The following LRIT3 variants were observed in gnomAD, a reference collection of about 807,000 sequenced individuals.
The protein encoded by LRIT3 is leucine-rich repeat, immunoglobulin-like domain and transmembrane domain-containing protein 3.
LRIT3 carries 14 observed loss-of-function variants against 22.6 expected under a neutral mutation model. That is an observed-to-expected ratio of 0.62 (90% CI 0.41 to 0.97). The LOEUF (loss-of-function observed/expected upper bound fraction) is 0.97, where lower values mean the gene tolerates loss of function less well. LRIT3 is among the 50% of genes least tolerant of loss of function. The pLI is 0.00. For missense variants in LRIT3, 783 were observed against 803.0 expected (o/e 0.98, Z 0.30); for synonymous variants, 306 against 304.5 (o/e 1.01, Z -0.05).
chr4:109,860,723 A>G (rs1419062498), intron 2 of LRIT3, among the ~76,000 whole-genome samples: 1 of 152,174 alleles, frequency 6.6e-6, no homozygotes, highest in Non-Finnish European at 1.5e-5. Context: ...ATCTTGCCTC[A>G]CCTATTTGAA....
rs750810010 is a variant in LRIT3 at position 109,870,687 on chromosome 4, C to A, written c.1938C>A (p.Ser646Arg). The A allele has an allele frequency of 6.2e-7, 1 of 1,614,102 alleles. No homozygotes were observed. Among genetic ancestry groups the A allele is most frequent in the Non-Finnish European group, 8.5e-7 (1 of 1,179,992 alleles). The change falls in exon 4 of 4, where the codon AGC (serine) becomes AGA (arginine). Residue 646 changes from serine to arginine, a missense_variant. Coordinates refer to ENST00000594814, the MANE Select transcript of LRIT3 (RefSeq NM_198506.5). ...GTGTAGGTGAGCTCTGGACACGAAG[C>A]CACAGGGATGACTCAGAGAAATTGC... is the stretch of plus-strand genomic sequence containing the variant. ...SQSVGELWTRSHRDDSEKLLL... is the reference protein window; with the variant it reads ...SQSVGELWTRRHRDDSEKLLL...
At position 109,851,657 on chromosome 4, in the gene LRIT3, C is replaced by T. The variant is rs1329118044; in HGVS notation, c.270C>T (p.Tyr90=). The T allele has an allele frequency of 1.3e-6, 2 of 1,551,744 alleles. No individual in the cohort carries two copies. The highest frequency in any genetic ancestry group is 8.7e-7 in the Non-Finnish European group (1 of 1,146,992). ...LVELQYLWVT[Y]NSVASIDPSS... is the part of the protein sequence containing the mutation. ...AGCTCCAGTATCTCTGGGTGACTTA[C>T]AATTCCGTGGCCAGCATTGACCCCA... The change falls in exon 2 of 4, where the codon TAC becomes TAT. Residue 90 remains tyrosine (Y), a synonymous_variant. Transcript: ENST00000594814.
Position 109,867,746 on chromosome 4 carries a change from G to A in LRIT3, c.695G>A (p.Cys232Tyr). The A allele has an allele frequency of 6.2e-7, 1 of 1,614,156 alleles. No homozygotes were observed. Among genetic ancestry groups the A allele is most frequent in the Middle Eastern group, 1.6e-4 (1 of 6,062 alleles). Residue 232 changes from cysteine to tyrosine, a missense_variant, in exon 3 of 4, where the codon TGC becomes TAC. Cys to Tyr is a radical substitution (Grantham distance 194). Coordinates refer to ENST00000594814, the MANE Select transcript of LRIT3 (RefSeq NM_198506.5). ...AIVLLDPLMT[C>Y]SEPERLTGIL... ...GTGCTTCTGGATCCACTGATGACTT[G>A]CAGTGAACCTGAGCGCCTCACAGGA... is the stretch of plus-strand genomic sequence containing the variant.
intron 1 of LRIT3, among the ~76,000 whole-genome samples, chr4:109,849,062 G>T (rs1434117382): frequency 6.7e-6 from 1 of 149,790 alleles, no homozygotes; most frequent in African/African-American, 2.5e-5. Flanking sequence ...AACAAAATCA[G>T]GTTATTTGTG....
At chr4:109,867,088 C>A (rs1734700103) in intron 2 of LRIT3, among the ~76,000 whole-genome samples, 1 of 152,092 alleles carries the variant, frequency 6.6e-6, no homozygotes, top group Admixed American at 6.6e-5. Flanking sequence ...ATAACCTATT[C>A]CAGGTTGAGT....
chr4:109,850,073 C>G (rs1734171979), intron 1 of LRIT3, among the ~76,000 whole-genome samples: 1 of 152,228 alleles, frequency 6.6e-6, no homozygotes. Flanking sequence ...AACACTACCA[C>G]TACATTGCAG....
At chr4:109,869,496 C>A in intron 3 of LRIT3, 149 bp from the exon 4 acceptor site, 1 of 697,516 alleles carries the variant, frequency 1.4e-6, no homozygotes, top group Non-Finnish European at 2.3e-6. Flanking sequence ...AGAACTATCA[C>A]CCACTGTCAG....
chr4:109,860,856 G>T (rs896886726), intron 2 of LRIT3, among the ~76,000 whole-genome samples: 1 of 152,220 alleles, frequency 6.6e-6, no homozygotes. Context: ...CATCCATGCT[G>T]TCGCATGTAT....
chr4:109,849,988 A>G (rs976177698), intron 1 of LRIT3, among the ~76,000 whole-genome samples: 24 of 152,356 alleles, frequency 1.6e-4, no homozygotes, highest in African/African-American at 5.3e-4. Context: ...TAAAATAGAG[A>G]TGAAAAGTAA....
chr4:109,851,941 G>T lies in LRIT3; in HGVS notation c.554G>T (p.Gly185Val). ...ACTCATTTAGTTTCAACACCTTCTG[G>T]AGTCCTGGACCTTTCCCCAAGCAGG... is the stretch of plus-strand genomic sequence containing the variant. ...SWTHLVSTPS[G>V]VLDLSPSRII... The change falls in exon 2 of 4, where the codon GGA becomes GTA. Residue 185 changes from glycine to valine, a missense_variant. Transcript: ENST00000594814. The T allele has an allele frequency of 6.4e-7, 1 of 1,551,386 alleles. No homozygotes were observed. The highest frequency in any genetic ancestry group is 1.2e-5 in the South Asian group (1 of 83,976).
At chr4:109,854,138 C>A (rs1364576296) in intron 2 of LRIT3, among the ~76,000 whole-genome samples, 1 of 152,090 alleles carries the variant, frequency 6.6e-6, no homozygotes, top group Non-Finnish European at 1.5e-5. Flanking sequence ...TCAATGGTAG[C>A]TTGATGGGGT....
intron 2 of LRIT3, among the ~76,000 whole-genome samples, chr4:109,866,632 A>AATGT (rs1734687036): frequency 6.6e-6 from 1 of 152,184 alleles, no homozygotes; most frequent in Non-Finnish European, 1.5e-5. Context: ...AACTATCCTT[A>AATGT]GGTAGACCAC....
intron 1 of LRIT3, among the ~76,000 whole-genome samples, chr4:109,851,061 G>GACAGA (rs1734242072): frequency 6.6e-6 from 1 of 152,086 alleles, no homozygotes; most frequent in African/African-American, 2.4e-5. Flanking sequence ...CTTTAAGTTG[G>GACAGA]ACAGAAGTGG....
At chr4:109,862,069 A>G (rs896480091) in intron 2 of LRIT3, among the ~76,000 whole-genome samples, 1 of 152,100 alleles carries the variant, frequency 6.6e-6, no homozygotes, top group African/African-American at 2.4e-5. Flanking sequence ...TCCTTTCCCT[A>G]CTGAATTGTT....
chr4:109,858,118 A>G (rs758566330), intron 2 of LRIT3, among the ~76,000 whole-genome samples: 20 of 152,166 alleles, frequency 1.3e-4, no homozygotes, highest in Non-Finnish European at 2.6e-4. Context: ...ACGATCATCT[A>G]CAGAACCAGG....
At chr4:109,854,066 G>C (rs1734343441) in intron 2 of LRIT3, among the ~76,000 whole-genome samples, 1 of 152,036 alleles carries the variant, frequency 6.6e-6, no homozygotes. Context: ...TGGCTATATG[G>C]GCTCTTTTTT....
intron 2 of LRIT3, among the ~76,000 whole-genome samples, chr4:109,860,189 G>A (rs1327868051): frequency 2.0e-5 from 3 of 152,202 alleles, no homozygotes; most frequent in African/African-American, 7.2e-5. Context: ...AAAAAGGCCT[G>A]TGGTAGAATA....
Position 109,871,026 on chromosome 4 carries a change from T to A in LRIT3, c.*237T>A, listed in dbSNP as rs1223752956. 2.7e-6 allele frequency: 1 copy of A among 366,688 alleles called. No individual in the cohort carries two copies. The highest frequency in any genetic ancestry group is 2.1e-5 in the African/African-American group (1 of 47,946). The allele number at this position is 366,688 out of a possible 1,614,324, so 22.7% of individuals were successfully genotyped here. On this transcript the variant is annotated 3_prime_UTR_variant, in exon 4 of 4. Transcript: ENST00000594814. ...AAATAATTTTTAGAGTGGTGCTTAATAAATTATTAATACTTTTTAGGGTAA... is the reference window on the plus strand; with the variant it reads ...AAATAATTTTTAGAGTGGTGCTTAAAAAATTATTAATACTTTTTAGGGTAA...
Position 109,870,520 on chromosome 4 carries a change from G to A in LRIT3, c.1771G>A (p.Ala591Thr). 1 of 1,614,210 alleles carries A rather than the reference G, an allele frequency of 6.2e-7. No homozygotes were observed. The highest frequency in any genetic ancestry group is 8.5e-7 in the Non-Finnish European group (1 of 1,180,032). The stretch of plus-strand genomic sequence containing the variant: ...TCTCCTTCTCGTGGTGACCAGTACT[G>A]CCTGTGTTGTTATCTTACCATTGAT... ...WSLLLVVTST[A>T]CVVILPLICF... Residue 591 changes from alanine (A) to threonine (T), a missense_variant, in exon 4 of 4, where the codon GCC becomes ACC. This residue lies in a region of LRIT3 where 756 missense variants were observed against 753.8 expected (regional missense o/e 1.00). Transcript: ENST00000594814.
Sources: allele counts gnomAD v4.1 joint callset (sites outside exome capture counted in the v4.1 genomes callset), GRCh38; gene constraint gnomAD v4.1.1; regional missense constraint gnomAD v4.1.1; transcripts MANE v1.5; gene names NCBI Gene and HGNC (gene_info 2026-07-23, HGNC 2026-07-21).